CLASP1: variants seen among roughly 807,000 people sequenced by gnomAD.
CLASP1 encodes cytoplasmic linker associated protein 1.
CLASP1 carries 38 observed loss-of-function variants against 192.3 expected under a neutral mutation model. The observed-to-expected ratio is 0.20, with a 90% CI of 0.15 to 0.26. The LOEUF (loss-of-function observed/expected upper bound fraction) is 0.26, where lower values mean the gene tolerates loss of function less well. Among genes scored for constraint, CLASP1 ranks in the 10% least tolerant of loss-of-function variants. The pLI is 1.00. For missense variants in CLASP1, 1,433 were observed against 1,932.5 expected (o/e 0.74, Z 4.85); for synonymous variants, 691 against 712.8 (o/e 0.97, Z 0.49).
chr2:121,647,595 G>A (rs1443480407), intron 1 of CLASP1, among the ~76,000 whole-genome samples: 1 of 151,998 alleles, frequency 6.6e-6, no homozygotes, highest in Non-Finnish European at 1.5e-5. Flanking sequence ...AGGCTTCAGA[G>A]TTTTACTTGC....
chr2:121,470,293 C>CTTTT (rs70954550), intron 8 of CLASP1: 3,447 of 308,646 alleles, frequency 0.011, 339 homozygotes, highest in South Asian at 0.015. Flanking sequence ...ACCATCCATG[C>CTTTT]TTTTTTTTTT....
At chr2:121,629,870 A>G (rs1192889203) in intron 1 of CLASP1, among the ~76,000 whole-genome samples, 1 of 152,198 alleles carries the variant, frequency 6.6e-6, no homozygotes, top group Non-Finnish European at 1.5e-5. Flanking sequence ...TTTTATATGC[A>G]TCTTGCATAG....
chr2:121,399,255 A>G (rs1331159944), intron 28 of CLASP1, among the ~76,000 whole-genome samples: 1 of 152,248 alleles, frequency 6.6e-6, no homozygotes, highest in Non-Finnish European at 1.5e-5. Context: ...CATGGCACAT[A>G]TCAGGTACCA....
intron 13 of CLASP1, among the ~76,000 whole-genome samples, chr2:121,458,115 T>C (rs1575053529): frequency 1.3e-5 from 2 of 152,192 alleles, no homozygotes; most frequent in East Asian, 1.9e-4. Context: ...AATAATGACC[T>C]TGGGTTTAAC....
chr2:121,444,848 G>T, intron 19 of CLASP1: 1 of 767,488 alleles, frequency 1.3e-6, no homozygotes, highest in Non-Finnish European at 2.0e-6. Context: ...AGGGACCTTG[G>T]TGAGGACAAG....
chr2:121,612,429 A>AGAG (rs1559770663), intron 1 of CLASP1, among the ~76,000 whole-genome samples: 1 of 149,372 alleles, frequency 6.7e-6, no homozygotes. Flanking sequence ...AAGAATTGAA[A>AGAG]GAGGAGGAGG....
chr2:121,478,630 TAC>T lies in CLASP1; in HGVS notation c.713-8672_713-8671del, dbSNP rs748910680. Among the ~76,000 whole-genome samples, 207 of 32,424 alleles carry T rather than the reference TAC, an allele frequency of 6.4e-3. 2 individuals are homozygous for T. The highest frequency in any genetic ancestry group is 0.011 in the East Asian group (11 of 1,012). The allele number at this position is 32,424 out of a possible 152,430, so 21.3% of individuals were successfully genotyped here. On this transcript the variant is annotated intron_variant, in intron 8 of 39. Transcript: ENST00000263710. ...CACACACACACACCACACACACACATACACACACACACACCCCCCACACACAC... is the reference window on the plus strand; with the variant it reads ...CACACACACACACCACACACACACATACACACACACACCCCCCACACACAC...
intron 37 of CLASP1, among the ~76,000 whole-genome samples, chr2:121,356,585 G>A (rs1313635353): frequency 2.0e-5 from 3 of 152,188 alleles, no homozygotes; most frequent in African/African-American, 2.4e-5. Context: ...TCAGTAAAAC[G>A]AAAGGGAGAA....
chr2:121,596,665 G>A (rs2063175965), intron 2 of CLASP1, among the ~76,000 whole-genome samples: 2 of 152,156 alleles, frequency 1.3e-5, no homozygotes, highest in Admixed American at 6.6e-5. Context: ...GGAGAAACAG[G>A]AAAGGAAGAG....
At chr2:121,431,818 C>T (rs13031846) in intron 19 of CLASP1, among the ~76,000 whole-genome samples, 12,370 of 148,152 alleles carry the variant, frequency 0.083, 582 homozygotes, top group African/African-American at 0.13. Context: ...ATATTTAGAA[C>T]GTTTTTAAAT....
At chr2:121,339,920 A>G (rs1039810183) in exon 40 of CLASP1, 2 of 152,202 alleles carry the variant, frequency 1.3e-5, no homozygotes, top group African/African-American at 4.8e-5. Context: ...GCTTAGGCAG[A>G]ACTTTGAGGG....
chr2:121,647,473 C>T (rs2073382845), intron 1 of CLASP1, among the ~76,000 whole-genome samples: 1 of 152,184 alleles, frequency 6.6e-6, no homozygotes, highest in African/African-American at 2.4e-5. Context: ...CTCAACATCC[C>T]TGTCAAACTA....
At position 121,528,052 on chromosome 2, in the gene CLASP1, T is replaced by C. The variant is rs1575676407; in HGVS notation, c.379-162A>G. 3.9e-5 allele frequency among the ~76,000 whole-genome samples: 6 copies of C among 152,356 alleles called. 1 individual carries two copies. In the South Asian group the frequency reaches 1.2e-3, roughly 32 times the overall value. On this transcript the variant is annotated intron_variant, in intron 4 of 39. Transcript: ENST00000263710. ...GAGCATACTGGAAAATGATGACATCTATCATGTTATCAAGTATATCAAATT... is the reference window on the plus strand; with the variant it reads ...GAGCATACTGGAAAATGATGACATCCATCATGTTATCAAGTATATCAAATT...
intron 8 of CLASP1, among the ~76,000 whole-genome samples, chr2:121,482,130 G>C (rs1234434775): frequency 2.6e-5 from 4 of 152,138 alleles, no homozygotes; most frequent in Non-Finnish European, 4.4e-5. Flanking sequence ...CTTAACTCAG[G>C]AATACCCTGG....
At chr2:121,530,046 G>A (rs549656331) in intron 3 of CLASP1, among the ~76,000 whole-genome samples, 1 of 151,984 alleles carries the variant, frequency 6.6e-6, no homozygotes, top group Admixed American at 6.6e-5. Flanking sequence ...GGAAGGCAGC[G>A]GGGCGGCCGA....
At chr2:121,366,579 C>A (rs1306332041) in intron 35 of CLASP1, among the ~76,000 whole-genome samples, 1 of 152,218 alleles carries the variant, frequency 6.6e-6, no homozygotes, top group African/African-American at 2.4e-5. Flanking sequence ...TCAGTCTGCT[C>A]CCCTGACAGA....
At chr2:121,436,567 C>G (rs1317129367) in intron 19 of CLASP1, among the ~76,000 whole-genome samples, 1 of 151,762 alleles carries the variant, frequency 6.6e-6, no homozygotes, top group South Asian at 2.1e-4. Context: ...CGAGCCACCA[C>G]GCCCAGCTAA....
At chr2:121,347,478 G>C (rs1284195744) in intron 38 of CLASP1, among the ~76,000 whole-genome samples, 1 of 152,174 alleles carries the variant, frequency 6.6e-6, no homozygotes, top group Non-Finnish European at 1.5e-5. Flanking sequence ...AATGAGAAAA[G>C]GAAATGAAGG....
intron 1 of CLASP1, among the ~76,000 whole-genome samples, chr2:121,636,165 G>A (rs964830365): frequency 3.3e-5 from 5 of 150,976 alleles, no homozygotes; most frequent in African/African-American, 4.9e-5. Context: ...GGAGAAACCC[G>A]GTCTCTACTA....
Sources: gnomAD v4.1 joint callset for allele counts (sites outside exome capture counted in the v4.1 genomes callset) on GRCh38, gnomAD v4.1.1 for gene constraint, MANE v1.5 for transcripts, NCBI Gene and HGNC (gene_info 2026-07-23, HGNC 2026-07-21) for gene names.